The following JMJD1C variants were observed in gnomAD, a reference collection of about 807,000 sequenced individuals.
JMJD1C encodes jumonji domain containing 1C.
In JMJD1C, 31 loss-of-function variants were observed where a neutral mutation model predicts 245.3. That is an observed-to-expected ratio of 0.13 (90% CI 0.09 to 0.17). JMJD1C has a LOEUF of 0.17. Ranked by LOEUF, JMJD1C falls within the 10% of genes least tolerant of loss-of-function variation. The pLI is 1.00. For missense variants in JMJD1C, 2,691 were observed against 3,000.2 expected (o/e 0.90, Z 2.41); for synonymous variants, 1,057 against 1,017.4 (o/e 1.04, Z -0.74).
At chr10:63,502,734 T>G in intron 1 of JMJD1C, among the ~76,000 whole-genome samples, 1 of 152,104 alleles carries the variant, frequency 6.6e-6, no homozygotes, top group East Asian at 1.9e-4. Context: ...TTCAACTCTG[T>G]ATTTCTTGGA....
chr10:63,512,862 T>G (rs1226282421), intron 1 of JMJD1C, among the ~76,000 whole-genome samples: 1 of 152,216 alleles, frequency 6.6e-6, no homozygotes, highest in Non-Finnish European at 1.5e-5. Context: ...TTCTTGCACA[T>G]TCTGTTCTGA....
intron 2 of JMJD1C, among the ~76,000 whole-genome samples, chr10:63,346,999 GT>G (rs1400242027): frequency 1.5e-4 from 22 of 151,554 alleles, no homozygotes; most frequent in Non-Finnish European, 2.7e-4. Context: ...CAAAAGTAAA[GT>G]TGGCCCCTCA....
chr10:63,459,734 A>C (rs1952654481), intron 1 of JMJD1C, among the ~76,000 whole-genome samples: 1 of 152,232 alleles, frequency 6.6e-6, no homozygotes, highest in South Asian at 2.1e-4. Flanking sequence ...TTATTCAAAA[A>C]GAGTGGAATG....
chr10:63,203,575 T>C, intron 10 of JMJD1C: 3 of 957,872 alleles, frequency 3.1e-6, no homozygotes, highest in Non-Finnish European at 3.7e-6. Flanking sequence ...TAGTGGCAAT[T>C]TCAGATCATA....
intron 1 of JMJD1C, among the ~76,000 whole-genome samples, chr10:63,440,365 T>TAGAGAGAG (rs56364516): frequency 5.9e-4 from 82 of 138,284 alleles, no homozygotes; most frequent in African/African-American, 2.1e-3. Flanking sequence ...TATATATATA[T>TAGAGAGAG]AGAGAGAGAG....
intron 1 of JMJD1C, among the ~76,000 whole-genome samples, chr10:63,450,823 G>T (rs1952016697): frequency 6.6e-6 from 1 of 150,682 alleles, no homozygotes; most frequent in Admixed American, 6.6e-5. Flanking sequence ...CAGAAACTTA[G>T]ATAAGACATT....
intron 2 of JMJD1C, among the ~76,000 whole-genome samples, chr10:63,362,882 G>C (rs1945509029): frequency 6.6e-6 from 1 of 152,082 alleles, no homozygotes; most frequent in Admixed American, 6.6e-5. Flanking sequence ...GCACTAAAAA[G>C]CTATTGAAAA....
rs184282588 is a variant in JMJD1C, at chr10:63,501,784, A to G, written n.113+19954T>C. 6.0e-4 allele frequency among the ~76,000 whole-genome samples: 92 copies of G among 152,276 alleles called. 1 individual carries two copies. Among genetic ancestry groups the G allele is most frequent in the African/African-American group, 2.2e-3 (90 of 41,558 alleles). On this transcript the variant is annotated intron_variant and non_coding_transcript_variant, in intron 1 of 3. Transcript: ENST00000633035. ...GAGTGAGTCTCCATCTCAAAAAAAA[A>G]GAACAAAACAAAACAAAAAAAGAAT...
intron 1 of JMJD1C, among the ~76,000 whole-genome samples, chr10:63,421,200 G>A (rs796597997): frequency 3.3e-5 from 5 of 152,272 alleles, no homozygotes; most frequent in African/African-American, 1.2e-4. Context: ...CGGGCGTGGT[G>A]GCTCATGCCT....
intron 1 of JMJD1C, among the ~76,000 whole-genome samples, chr10:63,385,361 G>A (rs76909397): frequency 0.025 from 3,579 of 141,736 alleles, 105 homozygotes; most frequent in Middle Eastern, 0.076. Flanking sequence ...AAATGAAACC[G>A]ACAGACTTAA....
rs1206144769 is a variant in JMJD1C, at chr10:63,375,535, CGTGT to C, written c.333+4779_333+4782del. ...AAGACTAGAAGACTTAATATTTACACGTGTGTGTGTGTGTGTGTGTGTGTGTAGT... is the reference window on the plus strand; with the variant it reads ...AAGACTAGAAGACTTAATATTTACACGTGTGTGTGTGTGTGTGTGTGTAGT... On this transcript the variant is annotated intron_variant, in intron 2 of 25. Transcript: ENST00000399262. Among the ~76,000 whole-genome samples the C allele has an allele frequency of 7.8e-3, 1,153 of 147,462 alleles. 11 individuals carry two copies. Among genetic ancestry groups the C allele is most frequent in the African/African-American group, 0.026 (1,048 of 39,944 alleles).
intron 22 of JMJD1C, among the ~76,000 whole-genome samples, chr10:63,180,572 T>TA (rs1047492463): frequency 4.6e-5 from 7 of 152,174 alleles, no homozygotes; most frequent in Non-Finnish European, 7.4e-5. Context: ...AAGTTGAACA[T>TA]AAAAAAATCA....
chr10:63,440,353 A>ATATAT (rs1554937971), intron 1 of JMJD1C, among the ~76,000 whole-genome samples: 3,358 of 119,860 alleles, frequency 0.028, 43 homozygotes, highest in Non-Finnish European at 0.034. Flanking sequence ...AAAAAAAAAA[A>ATATAT]ATATATATAT....
At chr10:63,209,364 G>A in intron 8 of JMJD1C, 129 bp from the exon 9 acceptor site, 1 of 591,600 alleles carries the variant, frequency 1.7e-6, no homozygotes, top group East Asian at 3.3e-5. Context: ...GTTTCTTTGG[G>A]AAACTTGTAA....
chr10:63,297,398 C>T (rs1187072581), intron 2 of JMJD1C, among the ~76,000 whole-genome samples: 1 of 152,204 alleles, frequency 6.6e-6, no homozygotes, highest in East Asian at 1.9e-4. Context: ...CAGATAGGAG[C>T]TACCTACTTC....
intron 12 of JMJD1C, among the ~76,000 whole-genome samples, 159 bp downstream of exon 12, chr10:63,198,354 A>G (rs1409149071): frequency 6.6e-6 from 1 of 152,224 alleles, no homozygotes. Flanking sequence ...CCTCTATAGG[A>G]AAGTATCTGT....
intron 4 of JMJD1C, among the ~76,000 whole-genome samples, chr10:63,218,067 TAACAA>T (rs1354712180): frequency 6.6e-6 from 1 of 152,070 alleles, no homozygotes; most frequent in Non-Finnish European, 1.5e-5. Context: ...TCAAATACTT[TAACAA>T]AGAACTGTAA....
At chr10:63,321,797 T>C (rs1304734319) in intron 2 of JMJD1C, among the ~76,000 whole-genome samples, 1 of 152,228 alleles carries the variant, frequency 6.6e-6, no homozygotes, top group African/African-American at 2.4e-5. Flanking sequence ...AGAGCTTCAA[T>C]AGTTCCTTTC....
intron 2 of JMJD1C, among the ~76,000 whole-genome samples, chr10:63,311,877 G>A (rs754966202): frequency 9.6e-5 from 14 of 146,412 alleles, no homozygotes; most frequent in Non-Finnish European, 1.9e-4. Context: ...AGATGACAAC[G>A]CTGCACGGTA....
Sources: allele counts gnomAD v4.1 joint callset (sites outside exome capture counted in the v4.1 genomes callset), GRCh38; gene constraint gnomAD v4.1.1; transcripts MANE v1.5; gene names NCBI Gene and HGNC (gene_info 2026-07-23, HGNC 2026-07-21).